Variants in PFKP observed in about 807,000 individuals in gnomAD.
PFKP encodes ATP-dependent 6-phosphofructokinase, platelet type.
In PFKP, 101 loss-of-function variants were observed where a neutral mutation model predicts 94.3. That is an observed-to-expected ratio of 1.07 (90% CI 0.91 to 1.26). PFKP has a LOEUF of 1.26. Among genes scored for constraint, PFKP ranks in the 50% most tolerant of loss-of-function variants. PFKP has a pLI of 0.00. For synonymous variants in PFKP, 573 were observed against 432.6 expected (o/e 1.32, Z -4.03); for missense variants, 1,145 against 1,103.3 (o/e 1.04, Z -0.53).
At chr10:3,080,373 C>A (rs1233149675) in intron 1 of PFKP, among the ~76,000 whole-genome samples, 1 of 151,950 alleles carries the variant, frequency 6.6e-6, no homozygotes, top group Non-Finnish European at 1.5e-5. Context: ...AAAAATTAGC[C>A]AGGCGTGGTG....
At position 3,107,755 on chromosome 10, in the gene PFKP, G is replaced by A. The variant is rs1835781724; in HGVS notation, c.870+446G>A. Reference sequence around the variant, plus strand: ...CATCAGCTGAGCACATTCTTACAAAGCCACTGTGTCCTCGTGGCCCTGCCT... The same window carrying A: ...CATCAGCTGAGCACATTCTTACAAAACCACTGTGTCCTCGTGGCCCTGCCT... On this transcript the variant is annotated intron_variant, in intron 8 of 21. Transcript: ENST00000381125. 3 of 877,112 alleles carry A rather than the reference G, an allele frequency of 3.4e-6. No individual in the cohort carries two copies. The African/African-American group carries it at 6.3e-5, about 18-fold the overall frequency. The allele number at this position is 877,112 out of a possible 1,614,324, so 54.3% of individuals were successfully genotyped here.
chr10:3,095,210 A>G (rs938625495), intron 2 of PFKP, among the ~76,000 whole-genome samples: 1 of 87,294 alleles, frequency 1.1e-5, no homozygotes, highest in Admixed American at 1.1e-4. Context: ...AAAAAAACTT[A>G]CATATGAGAC....
chr10:3,098,691 GGT>G (rs1382605921), intron 2 of PFKP, among the ~76,000 whole-genome samples: 380 of 94,004 alleles, frequency 4.0e-3, no homozygotes, highest in South Asian at 0.017. Context: ...AAAAAAAAAA[GGT>G]AATTGTCCTT....
At chr10:3,128,489 G>A (rs770698937) in intron 16 of PFKP, among the ~76,000 whole-genome samples, 11 of 126,286 alleles carry the variant, frequency 8.7e-5, no homozygotes, top group Non-Finnish European at 1.2e-4. Flanking sequence ...ACACACCTGG[G>A]GCTGGAAAAT....
intron 15 of PFKP, 146 bp downstream of exon 15, chr10:3,119,015 C>G: frequency 1.6e-6 from 1 of 607,358 alleles, no homozygotes; most frequent in Non-Finnish European, 2.9e-6. Context: ...TGTAGAACAG[C>G]AGGATAGCAG....
chr10:3,077,938 T>C (rs1832745354), intron 1 of PFKP, among the ~76,000 whole-genome samples: 1 of 152,268 alleles, frequency 6.6e-6, no homozygotes, highest in East Asian at 1.9e-4. Context: ...ACTGGGATTT[T>C]TGCAAATTAC....
intron 20 of PFKP, among the ~76,000 whole-genome samples, chr10:3,135,009 C>T (rs569914520): frequency 2.0e-5 from 3 of 151,332 alleles, no homozygotes; most frequent in East Asian, 1.9e-4. Context: ...TGTAGAACTG[C>T]ATGTTCGTAG....
intron 15 of PFKP, among the ~76,000 whole-genome samples, chr10:3,119,348 GT>G (rs1837153574): frequency 6.6e-6 from 1 of 152,212 alleles, no homozygotes; most frequent in South Asian, 2.1e-4. Context: ...GCTCACGCCT[GT>G]AATCTCAGCA....
At chr10:3,109,685 G>A (rs766341444) in intron 10 of PFKP, among the ~76,000 whole-genome samples, 1 of 152,192 alleles carries the variant, frequency 6.6e-6, no homozygotes, top group Non-Finnish European at 1.5e-5. Context: ...TTCGCTCTTT[G>A]GTTTTCTAAG....
intron 15 of PFKP, 26 bp downstream of exon 15, chr10:3,118,895 G>A (rs375171779): frequency 9.5e-6 from 15 of 1,580,048 alleles, no homozygotes; most frequent in African/African-American, 5.4e-5. Context: ...TCTCTTGCCG[G>A]TCTTGCAGGT....
At position 3,129,837 on chromosome 10, in the gene PFKP, C is replaced by T; in HGVS notation, c.1702C>T (p.Gln568Ter). The T allele has an allele frequency of 1.9e-6, 3 of 1,613,546 alleles. 1 individual carries two copies. Among genetic ancestry groups the T allele is most frequent in the South Asian group, 2.2e-5 (2 of 91,078 alleles). Residue 568 changes from glutamine (Q) to a stop codon, truncating the protein, a stop_gained, in exon 17 of 22, where the codon CAG becomes TAG. Coordinates refer to ENST00000381125, the MANE Select transcript of PFKP (RefSeq NM_002627.5). LOFTEE classifies it high-confidence loss of function. ...TITDTCDRIK[Q>*]SASGTKRRVF... is the part of the protein sequence containing the mutation. ...TGACCAGACCTGCGACCGCATCAAG[C>T]AGTCCGCCAGCGGAACCAAGCGGCG... is the stretch of plus-strand genomic sequence containing the variant.
At chr10:3,125,171 G>C in intron 16 of PFKP, 1 of 1,349,834 alleles carries the variant, frequency 7.4e-7, no homozygotes, top group Non-Finnish European at 9.9e-7. Context: ...TGTGTGTGGT[G>C]CCGGCCACGA....
intron 14 of PFKP, 54 bp downstream of exon 14, chr10:3,116,900 G>T: frequency 7.3e-7 from 1 of 1,362,152 alleles, no homozygotes. Context: ...AGGAAGAGCC[G>T]TGTTCTGGGA....
Position 3,069,279 on chromosome 10 carries a change from G to T in PFKP, c.112+1572G>T, listed in dbSNP as rs1201412655. 2.7e-6 allele frequency: 4 copies of T among 1,503,130 alleles called. No homozygotes were observed. The African/African-American group carries it at 4.2e-5, about 16-fold the overall frequency. The allele number at this position is 1,503,130 out of a possible 1,614,324, so 93.1% of individuals were successfully genotyped here. A position where few individuals can be genotyped will look rare whatever the true frequency, so the allele number is the denominator to read the frequency against. ...CATCAACGTTCTTCCTGCAGGGCTGGGTTCTCAGAGAAAGAAAACGTGATG... is the reference window on the plus strand; with the variant it reads ...CATCAACGTTCTTCCTGCAGGGCTGTGTTCTCAGAGAAAGAAAACGTGATG... On this transcript the variant is annotated intron_variant, in intron 1 of 21. Transcript: ENST00000381125.
At chr10:3,132,699 A>G (rs1435582655) in intron 18 of PFKP, among the ~76,000 whole-genome samples, 1 of 152,182 alleles carries the variant, frequency 6.6e-6, no homozygotes, top group East Asian at 1.9e-4. Context: ...CCTGATGTTT[A>G]TGAAGAAAGA....
rs534419813 is a variant in PFKP at position 3,082,565 on chromosome 10, C to T, written c.186+104C>T. Reference sequence around the variant, plus strand: ...CTGCCTCCCCCATGCTGAGCACAGCCGAAGAGGTGGGCAGGGGAGCAAGAT... The same window carrying T: ...CTGCCTCCCCCATGCTGAGCACAGCTGAAGAGGTGGGCAGGGGAGCAAGAT... On this transcript the variant is annotated intron_variant, in intron 2 of 21. Transcript: ENST00000381125. 4.7e-4 allele frequency: 339 copies of T among 721,734 alleles called. No homozygotes were observed. In the African/African-American group the frequency reaches 5.1e-3, roughly 11 times the overall value. 44.7% of individuals were successfully genotyped at this position (721,734 alleles called of 1,614,324 possible). A position where few individuals can be genotyped will look rare whatever the true frequency, so the allele number is the denominator to read the frequency against.
At chr10:3,118,478 A>AT (rs777998691) in intron 14 of PFKP, among the ~76,000 whole-genome samples, 5 of 152,114 alleles carry the variant, frequency 3.3e-5, no homozygotes, top group South Asian at 2.1e-4. Context: ...GAAAAAAAAA[A>AT]TTGTTATTAA....
intron 1 of PFKP, among the ~76,000 whole-genome samples, chr10:3,080,374 A>G (rs977517568): frequency 9.2e-5 from 14 of 151,940 alleles, no homozygotes; most frequent in East Asian, 1.9e-4. Flanking sequence ...AAAATTAGCC[A>G]GGCGTGGTGG....
chr10:3,112,111 G>T, intron 10 of PFKP, 111 bp from the exon 11 acceptor site: 1 of 860,980 alleles, frequency 1.2e-6, no homozygotes, highest in Non-Finnish European at 2.0e-6. Context: ...TGGCTGCCCG[G>T]GTCAGACTGG....
Sources: allele counts gnomAD v4.1 joint callset (sites outside exome capture counted in the v4.1 genomes callset), GRCh38; gene constraint gnomAD v4.1.1; transcripts MANE v1.5; gene names NCBI Gene and HGNC (gene_info 2026-07-23, HGNC 2026-07-21).